The following RPS7 variants were observed in gnomAD, a reference collection of about 807,000 sequenced individuals.
RPS7 encodes small ribosomal subunit protein eS7.
A neutral mutation model predicts 22.1 loss-of-function variants in RPS7; 1 was observed. The ratio of observed to expected loss-of-function variants is 0.05; its 90% CI spans 0.02 to 0.21. RPS7 has a LOEUF of 0.21. RPS7 is among the 10% of genes least tolerant of loss of function. The pLI is 1.00. For missense variants in RPS7, 137 were observed against 246.4 expected (o/e 0.56, Z 2.97); for synonymous variants, 80 against 92.0 (o/e 0.87, Z 0.74).
chr2:3,577,662 A>G (rs1036179828), intron 4 of RPS7, 48 bp from the exon 5 acceptor site: 13 of 1,401,348 alleles, frequency 9.3e-6, no homozygotes, highest in African/African-American at 7.1e-5. Flanking sequence ...CTTTTTGTCA[A>G]TTTAAAGTCT....
At chr2:3,579,978 T>A (rs1354498938) in intron 5 of RPS7, 132 bp from the exon 6 acceptor site, 3 of 851,818 alleles carry the variant, frequency 3.5e-6, no homozygotes, top group Non-Finnish European at 6.1e-6. Flanking sequence ...ACAAGCTTAT[T>A]TGAAAATGAG....
Position 3,580,390 on chromosome 2 carries a change from C to G in RPS7, c.507+130C>G, listed in dbSNP as rs188709768. ...AGGACTAGTTCTTTTACCCGCACTT[C>G]AGCCTGCTCTCCTTTGGATTATGTG... On this transcript the variant is annotated intron_variant, in intron 6 of 6. Coordinates refer to ENST00000645674, the MANE Select transcript of RPS7 (RefSeq NM_001011.4). 175 of 800,174 alleles carry G rather than the reference C, an allele frequency of 2.2e-4. No individual in the cohort carries two copies. The African/African-American group carries it at 2.2e-3, about 10-fold the overall frequency. 49.6% of individuals were successfully genotyped at this position (800,174 alleles called of 1,614,324 possible).
At chr2:3,580,285 GA>G in intron 6 of RPS7, 25 bp downstream of exon 6, 1 of 1,610,338 alleles carries the variant, frequency 6.2e-7, no homozygotes, top group Non-Finnish European at 8.5e-7. Flanking sequence ...TTTTATCATG[GA>G]AAGGTTCAGC....
Position 3,577,695 on chromosome 2 carries a change from A to G in RPS7, c.292-15A>G. Reference sequence around the variant, plus strand: ...TCTTTTTTCATTTTGTTACATGATAATTTTTACCTTACAGAGGAGAATTCT... The same window carrying G: ...TCTTTTTTCATTTTGTTACATGATAGTTTTTACCTTACAGAGGAGAATTCT... On this transcript the variant is annotated splice_polypyrimidine_tract_variant and intron_variant, in intron 4 of 6. Transcript: ENST00000645674. The G allele has an allele frequency of 6.3e-7, 1 of 1,597,442 alleles. No homozygotes were observed. The highest frequency in any genetic ancestry group is 8.6e-7 in the Non-Finnish European group (1 of 1,166,000).
chr2:3,576,662 T>G, intron 4 of RPS7, 32 bp downstream of exon 4: 1 of 1,613,710 alleles, frequency 6.2e-7, no homozygotes, highest in African/African-American at 1.3e-5. Context: ...CACGTTTCTG[T>G]TTGTGAATTT....
intron 6 of RPS7, 142 bp downstream of exon 6, chr2:3,580,402 C>T: frequency 2.6e-6 from 2 of 765,630 alleles, no homozygotes; most frequent in Middle Eastern, 4.5e-4. Flanking sequence ...GCCTGCTCTC[C>T]TTTGGATTAT....
intron 5 of RPS7, 150 bp from the exon 6 acceptor site, chr2:3,579,960 G>T (rs761129300): frequency 1.0e-5 from 8 of 781,068 alleles, no homozygotes; most frequent in Admixed American, 1.9e-5. Flanking sequence ...TTTGGTACGT[G>T]AAATATAACA....
chr2:3,580,004 A>C (rs910900603), intron 5 of RPS7, 106 bp from the exon 6 acceptor site: 1 of 1,044,166 alleles, frequency 9.6e-7, no homozygotes, highest in Non-Finnish European at 1.5e-6. Context: ...ATTTGACTTC[A>C]GGAACCTGGG....
chr2:3,579,403 G>A (rs1046014978), intron 5 of RPS7: 42 of 152,756 alleles, frequency 2.7e-4, no homozygotes, highest in Admixed American at 7.8e-4. Flanking sequence ...AAATCCAAAT[G>A]AGTAGACTAT....
chr2:3,575,718 G>A (rs985470131), intron 2 of RPS7, 34 bp downstream of exon 2: 3 of 1,596,948 alleles, frequency 1.9e-6, no homozygotes, highest in African/African-American at 1.3e-5. Context: ...GGGGTGGGGG[G>A]AGGCGCCCCG....
At chr2:3,580,647 A>G in intron 6 of RPS7, 158 bp from the exon 7 acceptor site, 1 of 669,856 alleles carries the variant, frequency 1.5e-6, no homozygotes, top group Non-Finnish European at 2.7e-6. Context: ...AGCATTGGAG[A>G]AGAGCTTGTC....
chr2:3,577,637 G>C, intron 4 of RPS7, 73 bp from the exon 5 acceptor site: 1 of 1,082,698 alleles, frequency 9.2e-7, no homozygotes, highest in Non-Finnish European at 1.4e-6. Context: ...TTTTAAAGCA[G>C]TATGGCAGTT....
intron 6 of RPS7, 105 bp downstream of exon 6, chr2:3,580,365 A>T (rs757207207): frequency 9.9e-7 from 1 of 1,006,682 alleles, no homozygotes; most frequent in South Asian, 1.3e-5. Flanking sequence ...TAGTAAACTC[A>T]GGACTAGTTC....
chr2:3,579,789 A>G lies in RPS7; in HGVS notation c.357-321A>G, dbSNP rs552746408. On this transcript the variant is annotated intron_variant, in intron 5 of 6. Coordinates refer to ENST00000645674, the MANE Select transcript of RPS7 (RefSeq NM_001011.4). ...TAGTTGAGAAATAATACAAGTGAAA[A>G]TAAAGATGTATAAAAGTCCTCTAAT... The G allele has an allele frequency of 1.8e-4, 79 of 432,840 alleles. 1 individual carries two copies. Among genetic ancestry groups the G allele is most frequent in the South Asian group, 1.6e-3 (68 of 41,998 alleles). 26.8% of individuals were successfully genotyped at this position (432,840 alleles called of 1,614,324 possible). A position where few individuals can be genotyped will look rare whatever the true frequency, so the allele number is the denominator to read the frequency against.
At chr2:3,576,224 C>A in intron 3 of RPS7, 1 of 596,110 alleles carries the variant, frequency 1.7e-6, no homozygotes, top group Non-Finnish European at 3.0e-6. Context: ...TACCCTTAGC[C>A]CGGAGTTGCC....
At chr2:3,580,364 C>G (rs1216162087) in intron 6 of RPS7, 104 bp downstream of exon 6, 2 of 1,010,584 alleles carry the variant, frequency 2.0e-6, no homozygotes, top group Non-Finnish European at 3.1e-6. Context: ...GTAGTAAACT[C>G]AGGACTAGTT....
chr2:3,576,865 T>C, intron 4 of RPS7: 1 of 584,384 alleles, frequency 1.7e-6, no homozygotes, highest in Non-Finnish European at 3.1e-6. Flanking sequence ...AGACCCTGTC[T>C]ACAAAAAATA....
At chr2:3,575,544 G>T in intron 1 of RPS7, 48 bp from the exon 2 acceptor site, 1 of 1,405,190 alleles carries the variant, frequency 7.1e-7, no homozygotes, top group Non-Finnish European at 1.0e-6. Flanking sequence ...GGGCGAGCCA[G>T]CGGCGCCTGC....
chr2:3,576,418 C>G lies in RPS7; in HGVS notation c.148-69C>G, dbSNP rs529256061. The G allele has an allele frequency of 2.9e-6, 4 of 1,383,180 alleles. No individual in the cohort carries two copies. The South Asian group carries it at 3.5e-5, about 12-fold the overall frequency. The allele number at this position is 1,383,180 out of a possible 1,614,324, so 85.7% of individuals were successfully genotyped here. On this transcript the variant is annotated intron_variant, in intron 3 of 6. Coordinates refer to ENST00000645674, the MANE Select transcript of RPS7 (RefSeq NM_001011.4). ...GGTGTTAGTGATAAGGTCTTCTTATCCTCTAATTTGACCACAACGTTTACT... is the reference window on the plus strand; with the variant it reads ...GGTGTTAGTGATAAGGTCTTCTTATGCTCTAATTTGACCACAACGTTTACT...
Sources: gnomAD v4.1 joint callset for allele counts on GRCh38, gnomAD v4.1.1 for gene constraint, MANE v1.5 for transcripts, NCBI Gene and HGNC (gene_info 2026-07-23, HGNC 2026-07-21) for gene names.